SNAP47: variants seen among roughly 807,000 people sequenced by gnomAD.
SNAP47 encodes the protein synaptosomal-associated protein 47.
SNAP47 carries 20 observed loss-of-function variants against 31.4 expected under a neutral mutation model. The observed-to-expected ratio is 0.64, with a 90% confidence interval of 0.45 to 0.93. SNAP47 has a LOEUF of 0.93. Among genes scored for constraint, SNAP47 ranks in the 40% least tolerant of loss-of-function variants. SNAP47 has a pLI of 0.00. For missense variants in SNAP47, 492 were observed against 528.5 expected (o/e 0.93, Z 0.68); for synonymous variants, 194 against 213.4 (o/e 0.91, Z 0.79).
At chr1:227,766,748 A>G (rs112950014) in intron 3 of SNAP47, among the ~76,000 whole-genome samples, 1,638 of 152,352 alleles carry the variant, frequency 0.011, 13 homozygotes, top group Non-Finnish European at 0.016. Flanking sequence ...TGAGAGGTAC[A>G]GAGTGGCCAC....
chr1:227,747,880 C>G lies in SNAP47; in HGVS notation c.144C>G (p.Phe48Leu). The G allele has an allele frequency of 6.2e-7, 1 of 1,614,188 alleles. No homozygotes were observed. Among genetic ancestry groups the G allele is most frequent in the African/African-American group, 1.3e-5 (1 of 75,052 alleles). ...TDSTGEILVS[F>L]PLSSIVEIKK... ...GCACTGGAGAGATTCTGGTCAGCTT[C>G]CCCCTCTCCAGCATAGTTGAGATCA... is the stretch of plus-strand genomic sequence containing the variant. Residue 48 changes from phenylalanine (F) to leucine (L), a missense_variant, in exon 2 of 5, where the codon TTC (phenylalanine) becomes TTG (leucine). Transcript: ENST00000617596.
At chr1:227,757,988 C>A (rs144967444) in intron 2 of SNAP47, among the ~76,000 whole-genome samples, 5 of 152,310 alleles carry the variant, frequency 3.3e-5, no homozygotes, top group African/African-American at 1.2e-4. Context: ...CCCTGCTGGG[C>A]AGCATGGGGA....
At chr1:227,779,586 A>G (rs1481231623) in intron 4 of SNAP47, among the ~76,000 whole-genome samples, 1 of 152,214 alleles carries the variant, frequency 6.6e-6, no homozygotes. Flanking sequence ...TCCCTGAAAG[A>G]GGACATGGAC....
At chr1:227,772,865 G>A (rs1400256544) in intron 4 of SNAP47, among the ~76,000 whole-genome samples, 1 of 152,210 alleles carries the variant, frequency 6.6e-6, no homozygotes, top group Non-Finnish European at 1.5e-5. Flanking sequence ...AAATCCGTTA[G>A]CCATAGATAA....
chr1:227,775,492 G>A (rs1357470655), intron 4 of SNAP47, among the ~76,000 whole-genome samples: 3 of 152,326 alleles, frequency 2.0e-5, no homozygotes, highest in South Asian at 2.1e-4. Context: ...GCGAGCCAGA[G>A]CAGACATGTC....
chr1:227,731,521 A>T (rs1171069097), upstream of SNAP47: 1 of 152,204 alleles, frequency 6.6e-6, no homozygotes, highest in Non-Finnish European at 1.5e-5. Flanking sequence ...TGGATCCACT[A>T]GAGGGTTCAG....
At chr1:227,765,193 A>G (rs1663313958) in intron 3 of SNAP47, among the ~76,000 whole-genome samples, 2 of 151,776 alleles carry the variant, frequency 1.3e-5, no homozygotes, top group Middle Eastern at 3.4e-3. Context: ...CACACAGCAC[A>G]TTGCAGACAG....
chr1:227,737,402 T>C (rs3806264), intron 1 of SNAP47, among the ~76,000 whole-genome samples: 15,879 of 152,200 alleles, frequency 0.1, 889 homozygotes, highest in Middle Eastern at 0.21. Flanking sequence ...TTGCACACAG[T>C]GCGAGGCCTT....
chr1:227,764,853 G>A (rs1209240577), intron 3 of SNAP47, among the ~76,000 whole-genome samples: 1 of 151,962 alleles, frequency 6.6e-6, no homozygotes, highest in Non-Finnish European at 1.5e-5. Flanking sequence ...GTGGTGAGCC[G>A]CGATCACACC....
chr1:227,739,009 C>T (rs1043320144), intron 1 of SNAP47, among the ~76,000 whole-genome samples: 2 of 152,150 alleles, frequency 1.3e-5, no homozygotes, highest in African/African-American at 4.8e-5. Flanking sequence ...AGTGTCACCA[C>T]TGTATACGCA....
chr1:227,773,668 C>T (rs904942899), intron 4 of SNAP47, among the ~76,000 whole-genome samples: 1 of 152,238 alleles, frequency 6.6e-6, no homozygotes. Flanking sequence ...ACATTTACGG[C>T]ACCTTCTCCA....
chr1:227,778,627 C>T (rs1664291926), intron 4 of SNAP47, among the ~76,000 whole-genome samples: 2 of 152,294 alleles, frequency 1.3e-5, no homozygotes, highest in South Asian at 4.1e-4. Context: ...ATCACACTGA[C>T]AGCAGGGGCA....
chr1:227,765,588 A>G (rs1663342435), intron 3 of SNAP47, among the ~76,000 whole-genome samples: 1 of 152,188 alleles, frequency 6.6e-6, no homozygotes, highest in African/African-American at 2.4e-5. Flanking sequence ...GGGTGTTGCA[A>G]ACCTAGGTTG....
intron 2 of SNAP47, among the ~76,000 whole-genome samples, chr1:227,752,657 C>T (rs190651521): frequency 1.4e-3 from 206 of 152,278 alleles, no homozygotes; most frequent in African/African-American, 4.8e-3. Flanking sequence ...TGCTTGAAAG[C>T]CAAAATCCAA....
intron 4 of SNAP47, chr1:227,776,022 T>C (rs2102999780): frequency 1.7e-6 from 2 of 1,209,804 alleles, no homozygotes; most frequent in Non-Finnish European, 2.1e-6. Context: ...TGGGGGACCA[T>C]GGCCATAAGC....
intron 4 of SNAP47, chr1:227,777,109 TAA>T: frequency 1.2e-6 from 1 of 836,026 alleles, no homozygotes; most frequent in Non-Finnish European, 1.4e-6. Context: ...ATGTCTTTTT[TAA>T]AAAAAAAAGT....
intron 2 of SNAP47, among the ~76,000 whole-genome samples, chr1:227,753,127 C>T (rs890520202): frequency 1.3e-5 from 2 of 152,228 alleles, no homozygotes; most frequent in African/African-American, 4.8e-5. Context: ...CAGTACTGTT[C>T]CATTTTCTCA....
chr1:227,774,557 G>A (rs1193333524), intron 4 of SNAP47, among the ~76,000 whole-genome samples: 1 of 152,176 alleles, frequency 6.6e-6, no homozygotes, highest in African/African-American at 2.4e-5. Flanking sequence ...CCGCCTCGAG[G>A]TGTAGGTGAG....
chr1:227,769,559 A>G (rs911397141), intron 4 of SNAP47, among the ~76,000 whole-genome samples: 37 of 152,140 alleles, frequency 2.4e-4, no homozygotes, highest in Non-Finnish European at 4.1e-4. Flanking sequence ...AGATGCTATT[A>G]AAGCCATCAT....
Sources: allele counts gnomAD v4.1 joint callset (sites outside exome capture counted in the v4.1 genomes callset), GRCh38; gene constraint gnomAD v4.1.1; transcripts MANE v1.5; gene names NCBI Gene and HGNC (gene_info 2026-07-23, HGNC 2026-07-21).